Variants in PCDHGA5 observed in about 807,000 individuals in gnomAD.
PCDHGA5 encodes the protein protocadherin gamma-A5.
A neutral mutation model predicts 56.7 loss-of-function variants in PCDHGA5; 36 were observed. The ratio of observed to expected loss-of-function variants is 0.64; its 90% CI spans 0.49 to 0.84. The LOEUF (loss-of-function observed/expected upper bound fraction) is 0.84. PCDHGA5 is among the 40% of genes least tolerant of loss of function. The probability of loss-of-function intolerance (pLI) is 0.00; values close to 1 mark genes in which losing one functional copy is unlikely to be tolerated. For missense variants in PCDHGA5, 1,305 were observed against 1,201.5 expected (o/e 1.09, Z -1.27); for synonymous variants, 563 against 520.2 (o/e 1.08, Z -1.12).
intron 1 of PCDHGA5, chr5:141,370,851 G>T (rs903944197): frequency 6.2e-7 from 1 of 1,614,018 alleles, no homozygotes; most frequent in Non-Finnish European, 8.5e-7. Flanking sequence ...AGCCACATTT[G>T]CCCTGGAATC....
intron 1 of PCDHGA5, chr5:141,379,705 C>T (rs1775757725): frequency 6.6e-6 from 1 of 152,118 alleles, no homozygotes; most frequent in South Asian, 2.1e-4. Context: ...GTTAAACATC[C>T]TGGCAGTCAT....
rs1190445239 is a variant in PCDHGA5 at position 141,431,331 on chromosome 5, A to T, written c.2422-63476A>T. 1 of 1,614,062 alleles carries T rather than the reference A, an allele frequency of 6.2e-7. No individual in the cohort carries two copies. The highest frequency in any genetic ancestry group is 1.7e-5 in the Admixed American group (1 of 60,026). On this transcript the variant is annotated intron_variant, in intron 1 of 3. Coordinates refer to ENST00000518069, the MANE Select transcript of PCDHGA5 (RefSeq NM_018918.3). The surrounding 1 kb of genome is among the most constrained non-coding windows in gnomAD (Gnocchi z 4.8). ...CAAAATGGAGCCGACGGTAGTAAGT[A>T]CCCCGAATTGGTGCTGAAACGCGCC...
At chr5:141,475,103 G>A (rs771784343) in intron 1 of PCDHGA5, among the ~76,000 whole-genome samples, 1 of 152,176 alleles carries the variant, frequency 6.6e-6, no homozygotes, top group Non-Finnish European at 1.5e-5. Flanking sequence ...AAGATCCTAG[G>A]TGGTAAATAG....
chr5:141,432,250 A>C lies in PCDHGA5; in HGVS notation c.2422-62557A>C, dbSNP rs777728825. ...ATTCCCTGGCTGAGAACACCATCCA[A>C]GGGGCAAGCCTATCGTCCTACGTGT... On this transcript the variant is annotated intron_variant, in intron 1 of 3. Coordinates refer to ENST00000518069, the MANE Select transcript of PCDHGA5 (RefSeq NM_018918.3). This position sits in a 1 kb window ranked among gnomAD's most constrained non-coding sequence, Gnocchi z 6.0. 2 of 1,614,116 alleles carry C rather than the reference A, an allele frequency of 1.2e-6. No homozygotes were observed. The highest frequency in any genetic ancestry group is 1.7e-6 in the Non-Finnish European group (2 of 1,180,062).
chr5:141,398,264 T>C lies in PCDHGA5; in HGVS notation c.2421+31513T>C, dbSNP rs370063277. On this transcript the variant is annotated intron_variant, in intron 1 of 3. Transcript: ENST00000518069. ...CCCGAGGAAATGCCCAAGGGCTCCG[T>C]AGTGGGGAACCTCGCCACGGACCTG... 2,051 of 1,443,238 alleles carry C rather than the reference T, an allele frequency of 1.4e-3. 29 individuals carry two copies. In the African/African-American group the frequency reaches 0.026, roughly 18 times the overall value. 89.4% of individuals were successfully genotyped at this position (1,443,238 alleles called of 1,614,324 possible).
intron 1 of PCDHGA5, chr5:141,479,712 C>T (rs1488849933): frequency 6.6e-6 from 1 of 152,216 alleles, no homozygotes; most frequent in Non-Finnish European, 1.5e-5. Flanking sequence ...CCCTGTCCTT[C>T]CAGCCTTATT....
Position 141,372,197 on chromosome 5 carries a change from C to T in PCDHGA5, c.2421+5446C>T, listed in dbSNP as rs57763341. 308 of 1,613,590 alleles carry T rather than the reference C, an allele frequency of 1.9e-4. No individual in the cohort carries two copies. The East Asian group carries it at 3.9e-3, about 20-fold the overall frequency. On this transcript the variant is annotated intron_variant, in intron 1 of 3. Transcript: ENST00000518069. ...CGGTGGACGCAGACTCGGGATACAA[C>T]GCCTGGCTGTCCTACCACATTGTGC... is the stretch of plus-strand genomic sequence containing the variant.
At chr5:141,508,792 C>T (rs1198342551) in intron 3 of PCDHGA5, among the ~76,000 whole-genome samples, 3 of 152,130 alleles carry the variant, frequency 2.0e-5, no homozygotes, top group Admixed American at 6.5e-5. Flanking sequence ...CTAAATCACT[C>T]TGGAATCCTG....
chr5:141,415,325 C>A (rs1046074461), intron 1 of PCDHGA5: 2 of 1,614,094 alleles, frequency 1.2e-6, no homozygotes, highest in Non-Finnish European at 1.7e-6. Context: ...GTGCTGCTGG[C>A]GCACAGGCTG....
chr5:141,393,543 C>T lies in PCDHGA5; in HGVS notation c.2421+26792C>T, dbSNP rs763455922. On this transcript the variant is annotated intron_variant, in intron 1 of 3. Coordinates refer to ENST00000518069, the MANE Select transcript of PCDHGA5 (RefSeq NM_018918.3). ...AAATGACAATGCCCCGGTTTTTCCT[C>T]ACCCGATTTACCGAGTGAAAGTCCT... is the stretch of plus-strand genomic sequence containing the variant. 7 of 1,613,870 alleles carry T rather than the reference C, an allele frequency of 4.3e-6. No individual in the cohort carries two copies. In the Admixed American group the frequency reaches 8.3e-5, roughly 19 times the overall value.
intron 1 of PCDHGA5, chr5:141,376,036 G>A (rs755190782): frequency 5.0e-6 from 8 of 1,613,116 alleles, no homozygotes; most frequent in South Asian, 1.1e-5. Flanking sequence ...ACCACGGCCA[G>A]CCCCCTCTCT....
rs988237114 is a variant in PCDHGA5 at position 141,493,830 on chromosome 5, G to A, written c.2422-977G>A. On this transcript the variant is annotated intron_variant, in intron 1 of 3. Transcript: ENST00000518069. This position sits in a 1 kb window ranked among gnomAD's most constrained non-coding sequence, Gnocchi z 4.3. ...ATACTCACACTCTCTGCTTCTGGGA[G>A]CAAGTATGAGTATTAATTACCAGCC... 1.3e-5 allele frequency among the ~76,000 whole-genome samples: 2 copies of A among 152,218 alleles called. No individual in the cohort carries two copies. The highest frequency in any genetic ancestry group is 4.8e-5 in the African/African-American group (2 of 41,456).
intron 1 of PCDHGA5, chr5:141,419,088 T>G (rs2096325159): frequency 1.2e-6 from 2 of 1,613,940 alleles, no homozygotes; most frequent in Non-Finnish European, 1.7e-6. Flanking sequence ...GATGAGGCCC[T>G]GGATCGGGAG....
At position 141,505,406 on chromosome 5, in the gene PCDHGA5, G is replaced by A. The variant is rs546453598; in HGVS notation, c.2494G>A (p.Asp832Asn). 61 of 1,614,174 alleles carry A rather than the reference G, an allele frequency of 3.8e-5. No individual in the cohort carries two copies. The highest frequency in any genetic ancestry group is 1.1e-4 in the East Asian group (5 of 44,866). ...RPGTSGSQNG[D>N]DTGTWPNNQF... Reference sequence around the variant, plus strand: ...CTCTCTCCCCAGCTCCCAAAATGGCGATGACACCGGCACCTGGCCCAACAA... The same window carrying A: ...CTCTCTCCCCAGCTCCCAAAATGGCAATGACACCGGCACCTGGCCCAACAA... Residue 832 changes from aspartate to asparagine, a missense_variant, in exon 3 of 4, where the codon GAT (aspartate) becomes AAT (asparagine). Transcript: ENST00000518069.
In PCDHGA5 at chr5:141,366,223, C is replaced by T. The variant is rs141416995; in HGVS notation, c.1893C>T (p.Ala631=). 8,329 of 1,613,836 alleles carry T rather than the reference C, an allele frequency of 5.2e-3. 46 individuals are homozygous for T. The highest frequency in any genetic ancestry group is 9.4e-3 in the Admixed American group (566 of 60,034). The stretch of plus-strand genomic sequence containing the variant: ...CGGGCGAGGTGCGCACAGCGCGAGC[C>T]CTGCTGGACAGAGACGCGCTCAAGC... The part of the protein sequence containing the change: ...LHTGEVRTAR[A]LLDRDALKQS... The change falls in exon 1 of 4, where the codon GCC becomes GCT. Residue 631 remains alanine (A), a synonymous_variant. Coordinates refer to ENST00000518069, the MANE Select transcript of PCDHGA5 (RefSeq NM_018918.3).
intron 1 of PCDHGA5, chr5:141,371,290 G>A (rs1233908065): frequency 6.2e-7 from 1 of 1,613,998 alleles, no homozygotes; most frequent in Non-Finnish European, 8.5e-7. Flanking sequence ...AGTAAAACGG[G>A]GGAACTCACC....
intron 1 of PCDHGA5, chr5:141,422,547 G>C: frequency 1.9e-6 from 3 of 1,613,938 alleles, no homozygotes; most frequent in Non-Finnish European, 2.5e-6. Context: ...CTCATGTCTG[G>C]CTGAATGTGG....
intron 1 of PCDHGA5, chr5:141,392,398 C>T (rs926356717): frequency 1.3e-5 from 2 of 155,550 alleles, no homozygotes; most frequent in African/African-American, 4.8e-5. Context: ...CATTTAATAA[C>T]ACTAAATAAA....
intron 1 of PCDHGA5, chr5:141,383,863 C>T: frequency 6.2e-7 from 1 of 1,613,890 alleles, no homozygotes; most frequent in South Asian, 1.1e-5. Flanking sequence ...GGTTCAGGCT[C>T]AAGATGGTCC....
Sources: gnomAD v4.1 joint callset for allele counts (sites outside exome capture counted in the v4.1 genomes callset) on GRCh38, gnomAD v4.1.1 for gene constraint, Gnocchi (gnomAD v3.1) non-coding constraint, MANE v1.5 for transcripts, NCBI Gene and HGNC (gene_info 2026-07-23, HGNC 2026-07-21) for gene names.